Variants in ILRUN observed in about 807,000 individuals in gnomAD.
The protein encoded by ILRUN is inflammation and lipid regulator with UBA-like and NBR1-like domains.
Under a neutral mutation model 33.8 loss-of-function variants are expected in ILRUN, and 3 were observed. The observed-to-expected ratio is 0.09, with a 90% CI of 0.04 to 0.23. ILRUN has a LOEUF of 0.23. Among genes scored for constraint, ILRUN ranks in the 10% least tolerant of loss-of-function variants. The pLI, the probability that ILRUN is intolerant of heterozygous loss-of-function variation, is 1.00. For missense variants in ILRUN, 210 were observed against 375.1 expected, an observed-to-expected ratio of 0.56 and a Z score of 3.64; for synonymous variants, 124 against 138.9, an observed-to-expected ratio of 0.89 and a Z score of 0.75.
intron 4 of ILRUN, among the ~76,000 whole-genome samples, chr6:34,600,298 C>G (rs998891346): frequency 3.3e-5 from 5 of 152,198 alleles, no homozygotes; most frequent in Non-Finnish European, 5.9e-5. Flanking sequence ...CTGCTCCAGG[C>G]ACTGGCCTCC....
rs376293203 is a variant in ILRUN, at chr6:34,606,810, C to T, written c.606G>A (p.Pro202=). The T allele has an allele frequency of 1.4e-4, 229 of 1,613,976 alleles. No individual in the cohort carries two copies. In the Middle Eastern group the frequency reaches 1.6e-3, roughly 12 times the overall value. Residue 202 remains proline, a synonymous_variant, in exon 4 of 5, where the codon CCG becomes CCA. Transcript: ENST00000374023. ...TGAAGTTTCCTTCTACCTTACGATGCGGCTGTGTGTTGAACTCCGTTTCAA... is the reference window on the plus strand; with the variant it reads ...TGAAGTTTCCTTCTACCTTACGATGTGGCTGTGTGTTGAACTCCGTTTCAA... ...SSFETEFNTQ[P]HRKVEGNFNP...
intron 4 of ILRUN, among the ~76,000 whole-genome samples, chr6:34,594,857 T>G (rs1406227619): frequency 6.6e-6 from 1 of 152,222 alleles, no homozygotes; most frequent in Non-Finnish European, 1.5e-5. Context: ...CAAGCCATTA[T>G]CTGGCTAATT....
Position 34,693,671 on chromosome 6 carries a change from T to A in ILRUN, c.158+2775A>T, listed in dbSNP as rs753808099. Among the ~76,000 whole-genome samples, 215 of 138,968 alleles carry A rather than the reference T, an allele frequency of 1.5e-3. 2 individuals carry two copies. The Middle Eastern group carries it at 0.024, about 15-fold the overall frequency. The allele number at this position is 138,968 out of a possible 152,430, so 91.2% of individuals were successfully genotyped here. On this transcript the variant is annotated intron_variant, in intron 1 of 4. Transcript: ENST00000374023. ...CTCAAATAGAAGTTTTATTTTATTT[T>A]ATTTTTTTTTTTTGAGACGGAGTCT...
chr6:34,595,703 G>T, intron 4 of ILRUN: 7 of 944,338 alleles, frequency 7.4e-6, no homozygotes, highest in Non-Finnish European at 8.8e-6. Context: ...CACAACACAG[G>T]ACTTTCACAT....
At chr6:34,639,729 T>G (rs928491801) in intron 3 of ILRUN, among the ~76,000 whole-genome samples, 1 of 152,174 alleles carries the variant, frequency 6.6e-6, no homozygotes, top group African/African-American at 2.4e-5. Context: ...TAGAACCAGT[T>G]TCCTTCTGAA....
At chr6:34,651,967 T>A (rs1762680890) in intron 2 of ILRUN, among the ~76,000 whole-genome samples, 1 of 151,956 alleles carries the variant, frequency 6.6e-6, no homozygotes, top group Non-Finnish European at 1.5e-5. Context: ...TAATTTTTTG[T>A]ATTTTTAGTA....
At chr6:34,683,151 T>C (rs1440413729) in intron 1 of ILRUN, among the ~76,000 whole-genome samples, 1 of 143,838 alleles carries the variant, frequency 7.0e-6, no homozygotes, top group Non-Finnish European at 1.5e-5. Context: ...CACATATAAA[T>C]ACACACGTGT....
At chr6:34,693,034 T>C (rs1301833843) in intron 1 of ILRUN, among the ~76,000 whole-genome samples, 1 of 152,102 alleles carries the variant, frequency 6.6e-6, no homozygotes, top group African/African-American at 2.4e-5. Context: ...GCCACAGCTG[T>C]GCCACTGCAC....
At chr6:34,601,160 A>G (rs1761499235) in intron 4 of ILRUN, among the ~76,000 whole-genome samples, 1 of 152,228 alleles carries the variant, frequency 6.6e-6, no homozygotes, top group African/African-American at 2.4e-5. Flanking sequence ...GCTTGGTAGA[A>G]CTATTTGGTT....
At chr6:34,607,999 G>C (rs2127324086) in intron 3 of ILRUN, among the ~76,000 whole-genome samples, 1 of 152,104 alleles carries the variant, frequency 6.6e-6, no homozygotes, top group South Asian at 2.1e-4. Flanking sequence ...GGACAGAGGT[G>C]GGAGGATCGC....
Position 34,606,816 on chromosome 6 carries a change from T to A in ILRUN, c.600A>T (p.Thr200=). 1 of 1,614,120 alleles carries A rather than the reference T, an allele frequency of 6.2e-7. No homozygotes were observed. The highest frequency in any genetic ancestry group is 8.5e-7 in the Non-Finnish European group (1 of 1,180,020). ...TTCCTTCTACCTTACGATGCGGCTG[T>A]GTGTTGAACTCCGTTTCAAAAGATG... is the stretch of plus-strand genomic sequence containing the variant. ...QLSSFETEFN[T]QPHRKVEGNF... The change falls in exon 4 of 5, where the codon ACA becomes ACT. Residue 200 remains threonine (T), a synonymous_variant. Transcript: ENST00000374023.
chr6:34,687,467 A>C (rs1763545792), intron 1 of ILRUN, among the ~76,000 whole-genome samples: 1 of 152,132 alleles, frequency 6.6e-6, no homozygotes, highest in African/African-American at 2.4e-5. Flanking sequence ...AGGCCAAAGC[A>C]GGCAGGTCAC....
rs563995086 is a variant in ILRUN, at chr6:34,624,256, A to G, written c.512-17352T>C. Among the ~76,000 whole-genome samples, 6 of 152,352 alleles carry G rather than the reference A, an allele frequency of 3.9e-5. No homozygotes were observed. The South Asian group carries it at 1.2e-3, about 32-fold the overall frequency. On this transcript the variant is annotated intron_variant, in intron 3 of 4. Transcript: ENST00000374023. ...ATAAGATATTGAAGAAATACTTCCA[A>G]GTATTTATTAATTCTATAACTAGAA...
chr6:34,682,039 T>TTTTTTTTA (rs1371036341), intron 1 of ILRUN, among the ~76,000 whole-genome samples: 6 of 104,886 alleles, frequency 5.7e-5, no homozygotes, highest in Admixed American at 9.0e-5. Flanking sequence ...TTTATTTTTT[T>TTTTTTTTA]ACTTTTTTTT....
At chr6:34,607,541 C>A (rs1241516759) in intron 3 of ILRUN, among the ~76,000 whole-genome samples, 1 of 152,184 alleles carries the variant, frequency 6.6e-6, no homozygotes, top group African/African-American at 2.4e-5. Flanking sequence ...CAATTTAACA[C>A]CTGCTTTGCT....
intron 1 of ILRUN, 37 bp downstream of exon 1, chr6:34,696,409 G>A (rs1195542536): frequency 6.5e-7 from 1 of 1,539,740 alleles, no homozygotes. Context: ...GGGCCCCCGA[G>A]GCCGCTGCCA....
chr6:34,656,491 A>C (rs1762774598), intron 1 of ILRUN, among the ~76,000 whole-genome samples: 1 of 152,186 alleles, frequency 6.6e-6, no homozygotes, highest in Non-Finnish European at 1.5e-5. Context: ...TGGTAATTAC[A>C]TTAACTGCTT....
intron 1 of ILRUN, among the ~76,000 whole-genome samples, chr6:34,683,477 T>TATATATACAC (rs1562033096): frequency 2.9e-5 from 3 of 102,224 alleles, no homozygotes; most frequent in African/African-American, 9.8e-5. Flanking sequence ...TATATACACA[T>TATATATACAC]ATATATATAC....
intron 3 of ILRUN, among the ~76,000 whole-genome samples, chr6:34,614,291 G>A (rs1041057893): frequency 6.6e-6 from 1 of 151,260 alleles, no homozygotes; most frequent in Admixed American, 6.6e-5. Flanking sequence ...GCATGGTGGC[G>A]GGCACCTGTA....
Sources: gnomAD v4.1 joint callset for allele counts (sites outside exome capture counted in the v4.1 genomes callset) on GRCh38, gnomAD v4.1.1 for gene constraint, MANE v1.5 for transcripts, NCBI Gene and HGNC (gene_info 2026-07-23, HGNC 2026-07-21) for gene names.